Variants in ZFAND3 observed in about 807,000 individuals in gnomAD.
ZFAND3 encodes AN1-type zinc finger protein 3.
In ZFAND3, 10 loss-of-function variants were observed where a neutral mutation model predicts 29.6. The observed-to-expected ratio is 0.34, with a 90% CI of 0.21 to 0.57. The LOEUF is 0.57. ZFAND3 is among the 20% of genes least tolerant of loss of function. The pLI is 0.86. For synonymous variants in ZFAND3, 128 were observed against 112.6 expected (o/e 1.14, Z -0.87); for missense variants, 230 against 304.5 (o/e 0.76, Z 1.82).
intron 1 of ZFAND3, among the ~76,000 whole-genome samples, chr6:37,916,576 C>G (rs1761258692): frequency 1.3e-5 from 2 of 152,192 alleles, no homozygotes; most frequent in African/African-American, 2.4e-5. Context: ...AGGAGAATTG[C>G]TTGAACCCTG....
intron 2 of ZFAND3, among the ~76,000 whole-genome samples, chr6:38,055,175 CT>C (rs1195773778): frequency 6.6e-6 from 1 of 152,138 alleles, no homozygotes; most frequent in Non-Finnish European, 1.5e-5. Flanking sequence ...ACAAAAACCC[CT>C]GGCAACCTTT....
intron 2 of ZFAND3, among the ~76,000 whole-genome samples, chr6:37,936,845 G>A (rs1461128175): frequency 6.6e-6 from 1 of 152,256 alleles, no homozygotes; most frequent in East Asian, 1.9e-4. Context: ...ATTAGCTATC[G>A]CCTGCAGCAT....
chr6:37,833,809 A>C, intron 1 of ZFAND3, among the ~76,000 whole-genome samples: 1 of 135,328 alleles, frequency 7.4e-6, no homozygotes, highest in Non-Finnish European at 1.5e-5. Context: ...CCTGGGCGAC[A>C]GAGTGACACT....
chr6:38,141,188 A>C (rs1462940756), intron 5 of ZFAND3, among the ~76,000 whole-genome samples: 1 of 152,274 alleles, frequency 6.6e-6, no homozygotes, highest in Non-Finnish European at 1.5e-5. Flanking sequence ...AAACAAGTGC[A>C]TGTGATGCTG....
chr6:37,837,631 A>T (rs948037507), intron 1 of ZFAND3, among the ~76,000 whole-genome samples: 9 of 151,806 alleles, frequency 5.9e-5, no homozygotes, highest in Admixed American at 5.9e-4. Flanking sequence ...CAGCCTCCCG[A>T]GCAGCTGGGA....
intron 2 of ZFAND3, among the ~76,000 whole-genome samples, chr6:37,998,350 A>G (rs1762887911): frequency 6.6e-6 from 1 of 152,228 alleles, no homozygotes; most frequent in South Asian, 2.1e-4. Context: ...GGATGGAACT[A>G]TTCTGTATGA....
chr6:37,936,484 TG>T (rs1761700527), intron 2 of ZFAND3, among the ~76,000 whole-genome samples: 1 of 152,354 alleles, frequency 6.6e-6, no homozygotes, highest in Non-Finnish European at 1.5e-5. Flanking sequence ...GAATACCACT[TG>T]GTCGGTGGAC....
intron 2 of ZFAND3, among the ~76,000 whole-genome samples, chr6:38,029,721 A>G (rs1763513358): frequency 6.6e-6 from 1 of 152,192 alleles, no homozygotes; most frequent in Non-Finnish European, 1.5e-5. Context: ...ACCTTTAGTC[A>G]TCAGGGAAAT....
chr6:37,873,539 C>A (rs1038224764), intron 1 of ZFAND3, among the ~76,000 whole-genome samples: 2 of 143,726 alleles, frequency 1.4e-5, no homozygotes, highest in African/African-American at 2.8e-5. Flanking sequence ...CACATAAGTT[C>A]TTGCTGACAG....
intron 2 of ZFAND3, among the ~76,000 whole-genome samples, chr6:37,982,034 A>G (rs1396705990): frequency 6.6e-6 from 1 of 152,196 alleles, no homozygotes; most frequent in Admixed American, 6.5e-5. Context: ...TACGCCATTT[A>G]CAAGGATAGT....
intron 2 of ZFAND3, among the ~76,000 whole-genome samples, chr6:37,984,167 A>G (rs1245777682): frequency 6.6e-6 from 1 of 152,242 alleles, no homozygotes; most frequent in Non-Finnish European, 1.5e-5. Context: ...AATGTGTCTT[A>G]TATTTATAAA....
chr6:37,891,787 G>A (rs1418674612), intron 1 of ZFAND3, among the ~76,000 whole-genome samples: 2 of 151,632 alleles, frequency 1.3e-5, no homozygotes, highest in African/African-American at 2.4e-5. Context: ...GGAGTGCAGT[G>A]GTGGATCTCG....
At chr6:37,965,732 T>C (rs529067494) in intron 2 of ZFAND3, among the ~76,000 whole-genome samples, 2 of 152,324 alleles carry the variant, frequency 1.3e-5, no homozygotes, top group South Asian at 4.1e-4. Context: ...CCTTATGGAC[T>C]GAAGTGAAGC....
intron 1 of ZFAND3, among the ~76,000 whole-genome samples, chr6:37,911,303 T>A (rs751173235): frequency 7.9e-5 from 12 of 152,234 alleles, no homozygotes; most frequent in Non-Finnish European, 1.3e-4. Context: ...TAATGTTGAA[T>A]ACTTTTTTGT....
chr6:37,895,296 C>T (rs114007021), intron 1 of ZFAND3, among the ~76,000 whole-genome samples: 149 of 151,742 alleles, frequency 9.8e-4, no homozygotes, highest in African/African-American at 3.4e-3. Context: ...TTTATCATCT[C>T]AATATAGTTT....
At chr6:38,023,522 A>C (rs1243754823) in intron 2 of ZFAND3, among the ~76,000 whole-genome samples, 1 of 152,194 alleles carries the variant, frequency 6.6e-6, no homozygotes, top group Non-Finnish European at 1.5e-5. Context: ...ATGACTATGT[A>C]ATTTTTATTG....
chr6:38,052,914 A>G (rs1764054612), intron 2 of ZFAND3, among the ~76,000 whole-genome samples: 1 of 151,992 alleles, frequency 6.6e-6, no homozygotes, highest in African/African-American at 2.4e-5. Flanking sequence ...CACGCCTGCA[A>G]TCCCAGCTAC....
intron 1 of ZFAND3, among the ~76,000 whole-genome samples, chr6:37,926,679 A>G (rs1761490747): frequency 6.6e-6 from 1 of 151,844 alleles, no homozygotes; most frequent in African/African-American, 2.4e-5. Flanking sequence ...TCAACCTACT[A>G]CCCCTTGGTT....
chr6:38,096,840 G>T (rs1223093655), intron 4 of ZFAND3, among the ~76,000 whole-genome samples: 1 of 150,988 alleles, frequency 6.6e-6, no homozygotes, highest in African/African-American at 2.4e-5. Flanking sequence ...ATTTTTTTTC[G>T]TAATGTTCTT....
Sources: allele counts gnomAD v4.1 joint callset (sites outside exome capture counted in the v4.1 genomes callset), GRCh38; gene constraint gnomAD v4.1.1; transcripts MANE v1.5; gene names NCBI Gene and HGNC (gene_info 2026-07-23, HGNC 2026-07-21).